The following ZNF385D variants were observed in gnomAD, a reference collection of about 807,000 sequenced individuals.
ZNF385D encodes the protein zinc finger protein 385D.
ZNF385D carries 15 observed loss-of-function variants against 35.8 expected under a neutral mutation model. That is an observed-to-expected ratio of 0.42 (90% CI 0.28 to 0.64). ZNF385D has a LOEUF of 0.64. Ranked by LOEUF, ZNF385D falls within the 30% of genes least tolerant of loss-of-function variation. ZNF385D has a pLI of 0.23. For synonymous variants in ZNF385D, 212 were observed against 186.8 expected, an observed-to-expected ratio of 1.13 and a Z score of -1.10; for missense variants, 474 against 494.6, an observed-to-expected ratio of 0.96 and a Z score of 0.39.
At chr3:21,469,811 A>G (rs192589628) in intron 4 of ZNF385D, among the ~76,000 whole-genome samples, 1 of 152,300 alleles carries the variant, frequency 6.6e-6, no homozygotes, top group East Asian at 1.9e-4. Flanking sequence ...TAAACAGCTA[A>G]ACAAAAAAGG....
At chr3:21,483,553 T>C (rs913090349) in intron 4 of ZNF385D, among the ~76,000 whole-genome samples, 1 of 152,194 alleles carries the variant, frequency 6.6e-6, no homozygotes, top group Admixed American at 6.5e-5. Context: ...AACTCCCTGA[T>C]GCTCTACATC....
intron 3 of ZNF385D, among the ~76,000 whole-genome samples, chr3:21,818,655 C>T (rs1045926566): frequency 6.6e-6 from 1 of 152,004 alleles, no homozygotes; most frequent in Admixed American, 6.6e-5. Flanking sequence ...GATATATGGC[C>T]TCACACTCCA....
chr3:21,644,336 G>A (rs1018103689), intron 2 of ZNF385D, among the ~76,000 whole-genome samples: 27 of 152,112 alleles, frequency 1.8e-4, no homozygotes, highest in African/African-American at 6.0e-4. Flanking sequence ...GGTGGCCAGA[G>A]ACTCTCCCCA....
At chr3:22,026,745 A>T (rs553373828) in intron 3 of ZNF385D, among the ~76,000 whole-genome samples, 2 of 152,332 alleles carry the variant, frequency 1.3e-5, no homozygotes, top group East Asian at 3.9e-4. Context: ...CTACCTAGAA[A>T]AATAGTAAAT....
At chr3:21,868,611 C>A (rs1697511560) in intron 3 of ZNF385D, among the ~76,000 whole-genome samples, 3 of 152,102 alleles carry the variant, frequency 2.0e-5, no homozygotes. Flanking sequence ...GTTTAATGTG[C>A]TGGTCAGCTG....
chr3:22,221,966 G>A (rs1209097885), intron 2 of ZNF385D, among the ~76,000 whole-genome samples: 1 of 151,894 alleles, frequency 6.6e-6, no homozygotes, highest in Non-Finnish European at 1.5e-5. Context: ...TAATACAGAA[G>A]ATTTCATTAA....
chr3:22,146,619 A>T (rs112675393), intron 3 of ZNF385D, among the ~76,000 whole-genome samples: 6 of 152,144 alleles, frequency 3.9e-5, no homozygotes, highest in African/African-American at 1.2e-4. Flanking sequence ...TTTGCCTGCA[A>T]AAATAATAAC....
rs1700568507 is a variant in ZNF385D at position 21,416,795 on chromosome 3, G to C, written c.*4419C>G. On this transcript the variant is annotated 3_prime_UTR_variant, in exon 8 of 8. Coordinates refer to ENST00000281523, the MANE Select transcript of ZNF385D (RefSeq NM_024697.3). ...TTAGTTAAAATACATGCAAACGCAG[G>C]ACAGAATTAGTTATGGCTTAGTCGG... 6.6e-6 allele frequency: 1 copy of C among 152,126 alleles called. No homozygotes were observed. The highest frequency in any genetic ancestry group is 2.4e-5 in the African/African-American group (1 of 41,424). 9.4% of individuals were successfully genotyped at this position (152,126 alleles called of 1,614,324 possible). A position where few individuals can be genotyped will look rare whatever the true frequency, so the allele number is the denominator to read the frequency against.
intron 2 of ZNF385D, among the ~76,000 whole-genome samples, chr3:21,598,614 C>G (rs2064192386): frequency 6.6e-6 from 1 of 152,050 alleles, no homozygotes; most frequent in African/African-American, 2.4e-5. Context: ...TATCTGTCGA[C>G]TTGGATACTG....
intron 2 of ZNF385D, among the ~76,000 whole-genome samples, chr3:22,272,286 G>A (rs1195431982): frequency 2.6e-5 from 4 of 151,874 alleles, no homozygotes. Flanking sequence ...GGATTAGCAG[G>A]ATGCATCATA....
intron 2 of ZNF385D, among the ~76,000 whole-genome samples, chr3:22,263,573 A>G (rs1168131505): frequency 6.6e-6 from 1 of 151,990 alleles, no homozygotes; most frequent in Non-Finnish European, 1.5e-5. Flanking sequence ...TGAGTCCTAC[A>G]AGGGCAAAAG....
chr3:21,450,101 A>G (rs1194527509), intron 4 of ZNF385D, among the ~76,000 whole-genome samples: 1 of 152,186 alleles, frequency 6.6e-6, no homozygotes, highest in Non-Finnish European at 1.5e-5. Flanking sequence ...TATTTTTAGC[A>G]TGAAGTCCTT....
At chr3:21,714,925 A>G (rs2068253259) in intron 1 of ZNF385D, among the ~76,000 whole-genome samples, 1 of 152,312 alleles carries the variant, frequency 6.6e-6, no homozygotes, top group East Asian at 1.9e-4. Flanking sequence ...CGTATACATC[A>G]TCTCACATAG....
At position 21,715,444 on chromosome 3, in the gene ZNF385D, G is replaced by A. The variant is rs902178441; in HGVS notation, c.22+35451C>T. ...GCCATAATTCCATTCCTTTTTAATG[G>A]CTGAATAGTATTCCATTGTATAGGT... On this transcript the variant is annotated intron_variant, in intron 1 of 7. Transcript: ENST00000281523. Among the ~76,000 whole-genome samples, 17 of 152,084 alleles carry A rather than the reference G, an allele frequency of 1.1e-4. 1 individual carries two copies. Among genetic ancestry groups the A allele is most frequent in the Middle Eastern group, 3.4e-3 (1 of 292 alleles).
chr3:22,083,523 G>A (rs111735710), intron 3 of ZNF385D, among the ~76,000 whole-genome samples: 1 of 151,764 alleles, frequency 6.6e-6, no homozygotes, highest in Non-Finnish European at 1.5e-5. Context: ...GAGAAGAGAA[G>A]TTTAGAGAAA....
At chr3:21,576,799 A>G (rs763393027) in intron 2 of ZNF385D, among the ~76,000 whole-genome samples, 2 of 152,230 alleles carry the variant, frequency 1.3e-5, no homozygotes, top group Non-Finnish European at 2.9e-5. Context: ...AAGAAAGGGA[A>G]GAAAGTGATT....
intron 3 of ZNF385D, among the ~76,000 whole-genome samples, chr3:21,788,376 G>A (rs976178078): frequency 6.6e-6 from 1 of 152,152 alleles, no homozygotes; most frequent in African/African-American, 2.4e-5. Context: ...TACTTGGGGG[G>A]CTGAGGCATG....
chr3:22,214,621 G>T (rs1457811019), intron 2 of ZNF385D, among the ~76,000 whole-genome samples: 2 of 151,986 alleles, frequency 1.3e-5, no homozygotes, highest in Non-Finnish European at 2.9e-5. Context: ...GCTTCAGGGG[G>T]TGGCCATCTT....
intron 2 of ZNF385D, among the ~76,000 whole-genome samples, chr3:21,609,548 C>G (rs1239478514): frequency 2.6e-5 from 4 of 152,176 alleles, no homozygotes; most frequent in Non-Finnish European, 4.4e-5. Context: ...ACTTAACAAA[C>G]ATGTCTTCCC....
Sources: gnomAD v4.1 joint callset for allele counts (sites outside exome capture counted in the v4.1 genomes callset) on GRCh38, gnomAD v4.1.1 for gene constraint, MANE v1.5 for transcripts, NCBI Gene and HGNC (gene_info 2026-07-23, HGNC 2026-07-21) for gene names.